Variants in CSMD1 observed in about 807,000 individuals in gnomAD.
The protein encoded by CSMD1 is CUB and sushi domain-containing protein 1.
Under a neutral mutation model 417.5 loss-of-function variants are expected in CSMD1, and 213 were observed. The observed-to-expected ratio is 0.51, with a 90% confidence interval of 0.46 to 0.57. The LOEUF (loss-of-function observed/expected upper bound fraction) is 0.57. Among genes scored for constraint, CSMD1 ranks in the 20% least tolerant of loss-of-function variants. The probability of loss-of-function intolerance (pLI) is 0.00; values close to 1 mark genes in which losing one functional copy is unlikely to be tolerated. For missense variants in CSMD1, 6,923 were observed against 4,529.7 expected (o/e 1.53, Z -15.17); for synonymous variants, 2,862 against 1,736.8 (o/e 1.65, Z -16.11).
chr8:3,199,677 CACAGTG>C (rs1796886920), intron 33 of CSMD1, 31 bp downstream of exon 33: 3 of 1,417,964 alleles, frequency 2.1e-6, no homozygotes, highest in Non-Finnish European at 2.9e-6. Context: ...CAGGAAAGAC[CACAGTG>C]ACATGTGGAG....
chr8:4,606,135 A>C (rs1238762678), intron 2 of CSMD1, among the ~76,000 whole-genome samples: 1 of 152,182 alleles, frequency 6.6e-6, no homozygotes, highest in Non-Finnish European at 1.5e-5. Context: ...GGATTAATTC[A>C]CACTAATACT....
intron 5 of CSMD1, among the ~76,000 whole-genome samples, chr8:3,937,213 A>G (rs1810557449): frequency 6.6e-6 from 1 of 152,188 alleles, no homozygotes; most frequent in African/African-American, 2.4e-5. Flanking sequence ...ATGACAACAA[A>G]AGATTGTGAT....
chr8:4,008,248 A>T (rs559974216), intron 4 of CSMD1, among the ~76,000 whole-genome samples: 2 of 152,186 alleles, frequency 1.3e-5, no homozygotes, highest in Non-Finnish European at 2.9e-5. Context: ...TAAAAACCAC[A>T]TATAAAATAT....
chr8:4,934,330 C>T (rs1464346642), intron 1 of CSMD1, among the ~76,000 whole-genome samples: 4 of 152,088 alleles, frequency 2.6e-5, no homozygotes, highest in African/African-American at 4.8e-5. Flanking sequence ...GTTTTGCAGC[C>T]CTATGTATTA....
At chr8:2,966,518 G>T in intron 58 of CSMD1, 52 bp downstream of exon 58, 2 of 1,515,528 alleles carry the variant, frequency 1.3e-6, no homozygotes, top group Admixed American at 1.9e-5. Flanking sequence ...TTTTCCCAAT[G>T]GAGTGAATTT....
intron 3 of CSMD1, among the ~76,000 whole-genome samples, chr8:4,082,562 C>A (rs943267879): frequency 6.6e-6 from 1 of 151,792 alleles, no homozygotes. Context: ...AATTACAGAC[C>A]CCGCTTCATT....
At chr8:4,478,365 T>C (rs575308406) in intron 2 of CSMD1, among the ~76,000 whole-genome samples, 27 of 152,218 alleles carry the variant, frequency 1.8e-4, no homozygotes, top group Non-Finnish European at 3.5e-4. Context: ...CTGGGAAATA[T>C]TAAGATTTGA....
At chr8:2,965,999 A>G in intron 58 of CSMD1, 45 bp from the exon 59 acceptor site, 1 of 1,490,864 alleles carries the variant, frequency 6.7e-7, no homozygotes, top group Non-Finnish European at 9.2e-7. Flanking sequence ...TTCATTTACC[A>G]TGAAATGAAT....
intron 34 of CSMD1, 28 bp from the exon 35 acceptor site, chr8:3,189,039 A>G (rs776817156): frequency 1.9e-6 from 3 of 1,600,768 alleles, no homozygotes; most frequent in Non-Finnish European, 8.5e-7. Flanking sequence ...ATGTCATGAA[A>G]TAAAGTGCTG....
rs115849225 is a variant in CSMD1 at position 4,212,024 on chromosome 8, T to C, written c.416-179925A>G. 1.9e-3 allele frequency among the ~76,000 whole-genome samples: 286 copies of C among 152,206 alleles called. 2 individuals carry two copies. The highest frequency in any genetic ancestry group is 6.6e-3 in the African/African-American group (275 of 41,552). On this transcript the variant is annotated intron_variant, in intron 3 of 69. Transcript: ENST00000635120. ...CAGTTGAAACTTGCATTTGTGCAGC[T>C]GTAATGCAATAAAAGGACCTTAATA...
chr8:3,983,890 A>G (rs1321592189), intron 5 of CSMD1, among the ~76,000 whole-genome samples: 5 of 151,958 alleles, frequency 3.3e-5, no homozygotes, highest in Non-Finnish European at 7.4e-5. Flanking sequence ...TGGGACTGTC[A>G]ATTGCAGTTC....
At chr8:3,240,805 C>T (rs566417721) in intron 26 of CSMD1, among the ~76,000 whole-genome samples, 6 of 152,054 alleles carry the variant, frequency 3.9e-5, no homozygotes, top group Admixed American at 1.3e-4. Context: ...GTTGATAAGG[C>T]GCAGATCCTG....
chr8:4,171,000 T>G (rs925675882), intron 3 of CSMD1, among the ~76,000 whole-genome samples: 1 of 151,918 alleles, frequency 6.6e-6, no homozygotes, highest in African/African-American at 2.4e-5. Context: ...GTTCACACCT[T>G]CAGCATGGGA....
chr8:4,173,165 C>T (rs368459797), intron 3 of CSMD1, among the ~76,000 whole-genome samples: 196 of 152,154 alleles, frequency 1.3e-3, no homozygotes, highest in African/African-American at 4.5e-3. Context: ...ATTATAATAG[C>T]GCATAAAAAT....
chr8:4,171,787 T>C (rs1317011130), intron 3 of CSMD1, among the ~76,000 whole-genome samples: 1 of 152,224 alleles, frequency 6.6e-6, no homozygotes, highest in Non-Finnish European at 1.5e-5. Context: ...TCCAATTTAC[T>C]TGAGTAACTT....
At chr8:4,131,678 T>C (rs1030408712) in intron 3 of CSMD1, among the ~76,000 whole-genome samples, 4 of 152,090 alleles carry the variant, frequency 2.6e-5, no homozygotes, top group African/African-American at 7.2e-5. Context: ...ATAGACTTCA[T>C]TTATTGCATC....
intron 12 of CSMD1, among the ~76,000 whole-genome samples, chr8:3,451,831 A>G (rs1238631864): frequency 6.6e-6 from 1 of 152,170 alleles, no homozygotes; most frequent in Non-Finnish European, 1.5e-5. Flanking sequence ...ACTTTAAAGT[A>G]GTTTTTTCCA....
rs867087324 is a variant in CSMD1 at position 3,441,017 on chromosome 8, T to C, written c.1561+27695A>G. 3.9e-5 allele frequency among the ~76,000 whole-genome samples: 6 copies of C among 152,280 alleles called. No individual in the cohort carries two copies. The South Asian group carries it at 1.0e-3, about 26-fold the overall frequency. ...GAGATTAGATCATCCTGGATTATGT[T>C]GGTGTCCCCACATCCAAAATACGAA... is the stretch of plus-strand genomic sequence containing the variant. On this transcript the variant is annotated intron_variant, in intron 12 of 69. Coordinates refer to ENST00000635120, the MANE Select transcript of CSMD1 (RefSeq NM_033225.6).
At chr8:4,098,645 T>C (rs955103661) in intron 3 of CSMD1, among the ~76,000 whole-genome samples, 1 of 152,166 alleles carries the variant, frequency 6.6e-6, no homozygotes, top group Admixed American at 6.5e-5. Context: ...TTCTACGTAT[T>C]GGTGGTTTTT....
Sources: gnomAD v4.1 joint callset for allele counts (sites outside exome capture counted in the v4.1 genomes callset) on GRCh38, gnomAD v4.1.1 for gene constraint, MANE v1.5 for transcripts, NCBI Gene and HGNC (gene_info 2026-07-23, HGNC 2026-07-21) for gene names.